DMD: variants seen among roughly 807,000 people sequenced by gnomAD.
DMD encodes dystrophin, also known as mutant dystrophin.
A neutral mutation model predicts 330.1 loss-of-function variants in DMD; 63 were observed. That is an observed-to-expected ratio of 0.19 (90% CI 0.16 to 0.24). The LOEUF is 0.24. Among genes scored for constraint, DMD ranks in the 10% least tolerant of loss-of-function variants. The pLI, the probability that DMD is intolerant of heterozygous loss-of-function variation, is 1.00. For missense variants in DMD, 3,344 were observed against 2,684.1 expected (o/e 1.25, Z -5.43); for synonymous variants, 1,223 against 959.8 (o/e 1.27, Z -5.07).
At chrX:33,051,646 AT>A (rs754035822) in intron 1 of DMD, among the ~76,000 whole-genome samples, 17,378 of 71,196 alleles carry the variant, frequency 0.24, 1,420 homozygotes, top group East Asian at 0.48. Context: ...ATTACGCTCT[AT>A]TTTTTTTTTT....
At chrX:32,731,331 G>A (rs2067608550) in intron 7 of DMD, among the ~76,000 whole-genome samples, 1 of 112,448 alleles carries the variant, frequency 8.9e-6, no homozygotes, top group African/African-American at 3.2e-5. Context: ...AGCAAGGCTG[G>A]GGGAGGGGCA....
In DMD at chrX:33,164,386, T is replaced by C. The variant is rs546950880; in HGVS notation, c.31+46896A>G. 6.2e-5 allele frequency among the ~76,000 whole-genome samples: 7 copies of C among 112,625 alleles called. No individual in the cohort carries two copies. The South Asian group carries it at 2.5e-3, about 41-fold the overall frequency. ...TGCTTGCTAAATATAATTGAGCTGTTTAATTGTAATCCTTAGCCTTGGCTC... is the reference window on the plus strand; with the variant it reads ...TGCTTGCTAAATATAATTGAGCTGTCTAATTGTAATCCTTAGCCTTGGCTC... On this transcript the variant is annotated intron_variant, in intron 1 of 78. Transcript: ENST00000357033.
At chrX:31,708,409 G>T (rs932357779) in intron 52 of DMD, among the ~76,000 whole-genome samples, 1 of 111,450 alleles carries the variant, frequency 9.0e-6, no homozygotes, top group East Asian at 2.8e-4. Context: ...AAACACGGAT[G>T]GATATAAAAG....
At chrX:31,979,335 C>T (rs2095459656) in intron 44 of DMD, among the ~76,000 whole-genome samples, 1 of 112,182 alleles carries the variant, frequency 8.9e-6, no homozygotes, top group South Asian at 3.7e-4. Context: ...GGATCATAGG[C>T]ATGAGCCACC....
chrX:32,901,412 T>TA (rs1206201373), intron 2 of DMD, among the ~76,000 whole-genome samples: 1 of 111,695 alleles, frequency 9.0e-6, no homozygotes, highest in African/African-American at 3.3e-5. Flanking sequence ...TATTACTTCT[T>TA]AAACTACAGT....
chrX:33,215,967 C>T (rs1367592096), upstream of DMD, among the ~76,000 whole-genome samples: 2 of 111,704 alleles, frequency 1.8e-5, no homozygotes, highest in Admixed American at 1.9e-4. Context: ...ATGCCTCTTG[C>T]TTTATTCTTT....
chrX:33,222,060 T>G (rs1368661980), intron 1 of DMD, among the ~76,000 whole-genome samples: 1 of 111,761 alleles, frequency 8.9e-6, no homozygotes, highest in Non-Finnish European at 1.9e-5. Context: ...GTATATGTGT[T>G]GAGTCCAGCA....
chrX:31,968,687 C>G (rs1192404328), intron 44 of DMD, among the ~76,000 whole-genome samples, 173 bp from the exon 45 acceptor site: 4 of 111,722 alleles, frequency 3.6e-5, no homozygotes, highest in Middle Eastern at 4.6e-3. Flanking sequence ...GGATACAAGA[C>G]AGAAAGACAC....
At chrX:32,862,160 A>G (rs1400957226) in intron 2 of DMD, among the ~76,000 whole-genome samples, 1 of 112,301 alleles carries the variant, frequency 8.9e-6, no homozygotes, top group African/African-American at 3.2e-5. Context: ...TCTGGCTATG[A>G]AGATCATCAA....
chrX:32,999,798 A>ACAAAAC (rs57390225), intron 2 of DMD, among the ~76,000 whole-genome samples: 4,931 of 97,893 alleles, frequency 0.05, 286 homozygotes, highest in African/African-American at 0.16. Context: ...AAAAACAAAA[A>ACAAAAC]CAAAAAACAA....
chrX:31,543,673 A>G (rs933796720), intron 55 of DMD, among the ~76,000 whole-genome samples: 6 of 112,569 alleles, frequency 5.3e-5, no homozygotes, highest in Non-Finnish European at 1.1e-4. Context: ...TATAGATATG[A>G]AACATACTTA....
chrX:33,304,297 G>T (rs868790053), intron 1 of DMD, among the ~76,000 whole-genome samples: 1 of 110,227 alleles, frequency 9.1e-6, no homozygotes, highest in South Asian at 3.9e-4. Context: ...ACAAACCTGA[G>T]AAAAACAAGC....
chrX:33,050,843 T>C (rs1431370926), intron 1 of DMD, among the ~76,000 whole-genome samples: 1 of 112,304 alleles, frequency 8.9e-6, no homozygotes, highest in African/African-American at 3.2e-5. Context: ...CATTTAGAAA[T>C]CTAAAGAGCA....
chrX:31,799,264 G>A (rs1170504443), intron 50 of DMD, among the ~76,000 whole-genome samples: 2 of 112,081 alleles, frequency 1.8e-5, no homozygotes, highest in Admixed American at 9.4e-5. Flanking sequence ...AGAAATACCC[G>A]AGACTGGGTA....
In DMD at chrX:31,193,745, T is replaced by C. The variant is rs767534510; in HGVS notation, c.9807+10216A>G. Among the ~76,000 whole-genome samples the C allele has an allele frequency of 4.5e-5, 5 of 111,677 alleles. No homozygotes were observed. In the Admixed American group the frequency reaches 4.7e-4, roughly 11 times the overall value. On this transcript the variant is annotated intron_variant, in intron 67 of 78. Coordinates refer to ENST00000357033, the MANE Select transcript of DMD (RefSeq NM_004006.3). ...CAAAATGTTATTTTGTTCCTCCAGA[T>C]TGTGATACAGTGGTAGGTACAGAGC... is the stretch of plus-strand genomic sequence containing the variant.
intron 55 of DMD, among the ~76,000 whole-genome samples, chrX:31,519,677 C>T (rs2072568030): frequency 8.9e-6 from 1 of 112,113 alleles, no homozygotes; most frequent in Non-Finnish European, 1.9e-5. Context: ...AAAATAATCA[C>T]AGACACTCAT....
chrX:33,078,283 C>A (rs2094875612), intron 1 of DMD, among the ~76,000 whole-genome samples: 1 of 112,072 alleles, frequency 8.9e-6, no homozygotes, highest in Non-Finnish European at 1.9e-5. Flanking sequence ...AACTTTGATT[C>A]TTTAAAGGAA....
intron 44 of DMD, among the ~76,000 whole-genome samples, chrX:31,994,135 G>A (rs190163834): frequency 2.9e-4 from 32 of 111,725 alleles, no homozygotes; most frequent in Admixed American, 2.2e-3. Flanking sequence ...TGTTAGAAGC[G>A]TGGGAAACCT....
intron 7 of DMD, among the ~76,000 whole-genome samples, chrX:32,784,842 T>C (rs2075215026): frequency 8.9e-6 from 1 of 111,848 alleles, no homozygotes; most frequent in African/African-American, 3.2e-5. Context: ...GTTCACATTC[T>C]GTCTTATATA....
Sources: gnomAD v4.1 joint callset for allele counts (sites outside exome capture counted in the v4.1 genomes callset) on GRCh38, gnomAD v4.1.1 for gene constraint, MANE v1.5 for transcripts, NCBI Gene and HGNC (gene_info 2026-07-23, HGNC 2026-07-21) for gene names.